Variants in DMP1 observed in about 807,000 individuals in gnomAD.
DMP1 encodes the protein dentin matrix acidic phosphoprotein 1.
DMP1 carries 20 observed loss-of-function variants against 14.6 expected under a neutral mutation model. That is an observed-to-expected ratio of 1.37 (90% CI 0.96 to 1.99). DMP1 has a LOEUF of 1.99. DMP1 is among the 30% of genes most tolerant of loss of function. The pLI is 0.00. For synonymous variants in DMP1, 197 were observed against 215.3 expected, an observed-to-expected ratio of 0.91 and a Z score of 0.75; for missense variants, 567 against 620.5, an observed-to-expected ratio of 0.91 and a Z score of 0.92.
intron 1 of DMP1, among the ~76,000 whole-genome samples, chr4:87,652,963 A>C (rs879637665): frequency 3.7e-4 from 56 of 152,202 alleles, no homozygotes; most frequent in Admixed American, 3.3e-4. Flanking sequence ...TGAAGAAATA[A>C]ACCTAACACA....
intron 5 of DMP1, among the ~76,000 whole-genome samples, chr4:87,659,913 G>A (rs1055483372): frequency 6.6e-6 from 1 of 152,204 alleles, no homozygotes; most frequent in Non-Finnish European, 1.5e-5. Context: ...CAGCCCTGAG[G>A]AAACTTTAAT....
At chr4:87,651,044 C>T (rs1347470044) in intron 1 of DMP1, among the ~76,000 whole-genome samples, 6 of 151,832 alleles carry the variant, frequency 4.0e-5, no homozygotes, top group African/African-American at 1.5e-4. Context: ...TTTAAAATGT[C>T]CATATGTATT....
At chr4:87,660,128 G>A (rs1241465250) in intron 5 of DMP1, among the ~76,000 whole-genome samples, 1 of 152,162 alleles carries the variant, frequency 6.6e-6, no homozygotes, top group Non-Finnish European at 1.5e-5. Flanking sequence ...GAGAGTCCAG[G>A]AGCCAGGTTT....
Position 87,650,367 on chromosome 4 carries a change from C to T in DMP1, c.-39C>T, listed in dbSNP as rs2110008658. The T allele has an allele frequency of 6.6e-6, 1 of 152,202 alleles. No individual in the cohort carries two copies. The highest frequency in any genetic ancestry group is 3.4e-3 in the Middle Eastern group (1 of 294). The allele number at this position is 152,202 out of a possible 1,614,324, so 9.4% of individuals were successfully genotyped here. ...ATTTTTGAGACTTTTTGAAAAAATTCTTTGTGAACTACGGAGGGTAAGTCA... is the reference window on the plus strand; with the variant it reads ...ATTTTTGAGACTTTTTGAAAAAATTTTTTGTGAACTACGGAGGGTAAGTCA... On this transcript the variant is annotated 5_prime_UTR_variant, in exon 1 of 6. Transcript: ENST00000339673.
intron 1 of DMP1, 82 bp from the exon 2 acceptor site, chr4:87,656,390 T>A: frequency 1.2e-6 from 1 of 818,734 alleles, no homozygotes; most frequent in Non-Finnish European, 2.2e-6. Flanking sequence ...TGGATGAATT[T>A]TTAGTAGGAA....
chr4:87,663,490 C>T lies in DMP1; in HGVS notation c.*170C>T. The T allele has an allele frequency of 1.0e-6, 1 of 971,680 alleles. No homozygotes were observed. The highest frequency in any genetic ancestry group is 1.5e-6 in the Non-Finnish European group (1 of 645,814). The allele number at this position is 971,680 out of a possible 1,614,324, so 60.2% of individuals were successfully genotyped here. ...ACTTGTTTTTAGGGTGTCATCATTT[C>T]ACAGAGGTTTAAATACTGTGGAGTG... is the stretch of plus-strand genomic sequence containing the variant. On this transcript the variant is annotated 3_prime_UTR_variant, in exon 6 of 6. Coordinates refer to ENST00000339673, the MANE Select transcript of DMP1 (RefSeq NM_004407.4).
Position 87,661,653 on chromosome 4 carries a change from T to TTG in DMP1, c.184-308_184-307insGT, listed in dbSNP as rs1553907091. 6.4e-3 allele frequency among the ~76,000 whole-genome samples: 966 copies of TTG among 151,342 alleles called. 10 individuals carry two copies. Among genetic ancestry groups the TTG allele is most frequent in the African/African-American group, 0.023 (929 of 41,216 alleles). On this transcript the variant is annotated intron_variant, in intron 5 of 5. Transcript: ENST00000339673. Reference sequence around the variant, plus strand: ...CACCTTGCCCAGCCCAAGAGTTTTTTTTTTTTTTTTAAGGAATTATATATA... The same window carrying TTG: ...CACCTTGCCCAGCCCAAGAGTTTTTTTGTTTTTTTTTTAAGGAATTATATATA...
chr4:87,661,165 G>A (rs999119402), intron 5 of DMP1, among the ~76,000 whole-genome samples: 3 of 136,184 alleles, frequency 2.2e-5, no homozygotes, highest in Admixed American at 7.6e-5. Flanking sequence ...AGCCTCCCAA[G>A]TAACTGGGAC....
At chr4:87,659,951 C>A (rs761943779) in intron 5 of DMP1, among the ~76,000 whole-genome samples, 1 of 152,246 alleles carries the variant, frequency 6.6e-6, no homozygotes, top group Non-Finnish European at 1.5e-5. Flanking sequence ...TGATGACTTT[C>A]TCTTCGAAAA....
In DMP1 at chr4:87,662,532, C is replaced by T. The variant is rs2110016872; in HGVS notation, c.754C>T (p.Gln252Ter). The change falls in exon 6 of 6, where the codon CAA (glutamine) becomes TAA (stop). Residue 252 changes from glutamine (Q) to a stop codon, truncating the protein, a stop_gained. Transcript: ENST00000339673. LOFTEE classifies it low-confidence loss of function (END_TRUNC). ...SGENSEQANTQDSGGSQLLEH... is the reference protein window; with the variant it reads ...SGENSEQANT ...AGAAAACAGTGAGCAAGCAAACACT[C>T]AAGATTCAGGTGGCAGCCAATTGCT... 1 of 1,614,124 alleles carries T rather than the reference C, an allele frequency of 6.2e-7. No homozygotes were observed. The highest frequency in any genetic ancestry group is 8.5e-7 in the Non-Finnish European group (1 of 1,180,030).
At chr4:87,655,397 G>T (rs1273706806) in intron 1 of DMP1, among the ~76,000 whole-genome samples, 1 of 152,116 alleles carries the variant, frequency 6.6e-6, no homozygotes, top group African/African-American at 2.4e-5. Flanking sequence ...AAAATAGTTT[G>T]ATTTGGCGTG....
At chr4:87,653,371 C>T (rs867923665) in intron 1 of DMP1, among the ~76,000 whole-genome samples, 124 of 117,108 alleles carry the variant, frequency 1.1e-3, no homozygotes, top group African/African-American at 3.9e-3. Flanking sequence ...TCAGCATATT[C>T]AGGCATTATC....
chr4:87,660,906 GAAGAAAAAAAA>G (rs1394771640), intron 5 of DMP1: 1 of 151,734 alleles, frequency 6.6e-6, no homozygotes, highest in Non-Finnish European at 1.5e-5. Context: ...TTTCCCTCCA[GAAGAAAAAAAA>G]TTGGGGTCAT....
intron 3 of DMP1, among the ~76,000 whole-genome samples, chr4:87,658,338 C>G (rs1728759151): frequency 1.3e-5 from 2 of 152,216 alleles, no homozygotes; most frequent in African/African-American, 4.8e-5. Flanking sequence ...AGGACTTTGC[C>G]CTCCTCAAGG....
At chr4:87,658,110 C>T (rs1350495668) in intron 3 of DMP1, among the ~76,000 whole-genome samples, 2 of 152,224 alleles carry the variant, frequency 1.3e-5, no homozygotes, top group African/African-American at 4.8e-5. Flanking sequence ...AGAAAAATAA[C>T]AATGTCTTGC....
intron 5 of DMP1, among the ~76,000 whole-genome samples, chr4:87,661,089 G>C (rs1482874953): frequency 6.6e-6 from 1 of 152,016 alleles, no homozygotes; most frequent in African/African-American, 2.4e-5. Context: ...CCAGGCTGGA[G>C]TGCAGTGGCT....
At chr4:87,661,412 C>A (rs1728873214) in intron 5 of DMP1, among the ~76,000 whole-genome samples, 1 of 151,524 alleles carries the variant, frequency 6.6e-6, no homozygotes, top group Admixed American at 6.6e-5. Flanking sequence ...TTAGTAGAGA[C>A]GGGGTTTCAC....
At position 87,662,115 on chromosome 4, in the gene DMP1, AC is replaced by A. The variant is rs1560493727; in HGVS notation, c.339del (p.Phe114LeufsTer119). 6.2e-7 allele frequency: 1 copy of A among 1,614,192 alleles called. No individual in the cohort carries two copies. Among genetic ancestry groups the A allele is most frequent in the Admixed American group, 1.7e-5 (1 of 60,028 alleles). On this transcript the variant is annotated frameshift_variant, in exon 6 of 6. Transcript: ENST00000339673. LOFTEE classifies it low-confidence loss of function (END_TRUNC). ...CGATGAAGATGACAGTGGAGATGAC[AC>A]CTTTGGTGACGATGACAGTGGCCCA... is the stretch of plus-strand genomic sequence containing the variant. The part of the protein sequence containing the change: ...DDDEDDSGDD[T>X]FGDDDSGPGP...
Position 87,653,407 on chromosome 4 carries a change from A to ATATATAATATATATATATATATAT in DMP1, c.-22+3029_-22+3030insATATATATATATATATATTATATA, listed in dbSNP as rs1553906475. Among the ~76,000 whole-genome samples, 14 of 104,164 alleles carry ATATATAATATATATATATATATAT rather than the reference A, an allele frequency of 1.3e-4. 1 individual carries two copies. Among genetic ancestry groups the ATATATAATATATATATATATATAT allele is most frequent in the Non-Finnish European group, 2.4e-4 (12 of 50,400 alleles). 68.3% of individuals were successfully genotyped at this position (104,164 alleles called of 152,430 possible). ...GAGTGATATATATATATATATATAT[A>ATATATAATATATATATATATATAT]TATATATATATATATATATATATAT... On this transcript the variant is annotated intron_variant, in intron 1 of 5. Coordinates refer to ENST00000339673, the MANE Select transcript of DMP1 (RefSeq NM_004407.4).
Sources: gnomAD v4.1 joint callset for allele counts (sites outside exome capture counted in the v4.1 genomes callset) on GRCh38, gnomAD v4.1.1 for gene constraint, MANE v1.5 for transcripts, NCBI Gene and HGNC (gene_info 2026-07-23, HGNC 2026-07-21) for gene names.